Variants in RNF169 observed in about 807,000 individuals in gnomAD.
RNF169 encodes the protein E3 ubiquitin-protein ligase RNF169.
RNF169 carries 24 observed loss-of-function variants against 53.9 expected under a neutral mutation model. That is an observed-to-expected ratio of 0.45 (90% CI 0.32 to 0.63). The LOEUF (loss-of-function observed/expected upper bound fraction) is 0.63, where lower values mean the gene tolerates loss of function less well. Ranked by LOEUF, RNF169 falls within the 20% of genes least tolerant of loss-of-function variation. The pLI is 0.04. For missense variants in RNF169, 883 were observed against 906.2 expected (o/e 0.97, Z 0.33); for synonymous variants, 396 against 363.5 (o/e 1.09, Z -1.02).
intron 4 of RNF169, among the ~76,000 whole-genome samples, chr11:74,828,646 G>T (rs1175649694): frequency 1.3e-5 from 2 of 152,084 alleles, no homozygotes; most frequent in African/African-American, 2.4e-5. Context: ...TACAAGAACA[G>T]ACAGACCAAT....
At position 74,836,019 on chromosome 11, in the gene RNF169, C is replaced by A; in HGVS notation, c.1416C>A (p.Ser472Arg). ...ELLGSEGIHS[S>R]KEKPLVAVNT... ...TAGGCTCTGAAGGTATCCATTCTAG[C>A]AAGGAGAAGCCACTTGTGGCTGTAA... The change falls in exon 6 of 6, where the codon AGC (serine) becomes AGA (arginine). Residue 472 changes from serine to arginine, a missense_variant. By Grantham distance (110) the Ser-to-Arg change is moderately radical. Around this residue, in one of 3 missense-constraint regions of RNF169, gnomAD observed 351 missense variants for 337.3 expected, o/e 1.04. Coordinates refer to ENST00000299563, the MANE Select transcript of RNF169 (RefSeq NM_001098638.2). 1 of 1,614,172 alleles carries A rather than the reference C, an allele frequency of 6.2e-7. No individual in the cohort carries two copies. Among genetic ancestry groups the A allele is most frequent in the Non-Finnish European group, 8.5e-7 (1 of 1,180,036 alleles).
chr11:74,781,426 C>CA (rs2035415027), intron 1 of RNF169, among the ~76,000 whole-genome samples: 2 of 152,176 alleles, frequency 1.3e-5, no homozygotes, highest in Admixed American at 1.3e-4. Flanking sequence ...TAAAACCAGA[C>CA]AGTACAGAAA....
At chr11:74,802,441 T>A (rs2035743590) in intron 2 of RNF169, among the ~76,000 whole-genome samples, 1 of 151,812 alleles carries the variant, frequency 6.6e-6, no homozygotes, top group Non-Finnish European at 1.5e-5. Context: ...AGGTCAGGAG[T>A]TTGAGACCAG....
Position 74,749,174 on chromosome 11 carries a change from G to A in RNF169, c.294G>A (p.Ala98=), listed in dbSNP as rs1157770271. 4 of 1,226,910 alleles carry A rather than the reference G, an allele frequency of 3.3e-6. No individual in the cohort carries two copies. Among genetic ancestry groups the A allele is most frequent in the African/African-American group, 3.2e-5 (2 of 63,026 alleles). The allele number at this position is 1,226,910 out of a possible 1,614,324, so 76.0% of individuals were successfully genotyped here. The change falls in exon 1 of 6, where the codon GCG becomes GCA. Residue 98 remains alanine, a synonymous_variant. Transcript: ENST00000299563. The stretch of plus-strand genomic sequence containing the variant: ...GCTGCGCCCAACGCGCCGCCGACGC[G>A]GCGGGCCCGGGTTGCCCTCGCTGCC... The part of the protein sequence containing the change: ...CRGCAQRAAD[A]AGPGCPRCRA...
intron 2 of RNF169, among the ~76,000 whole-genome samples, chr11:74,803,204 G>A (rs369990224): frequency 6.6e-6 from 1 of 151,896 alleles, no homozygotes; most frequent in African/African-American, 2.4e-5. Flanking sequence ...TCCTGCCTCA[G>A]CCTCCCTAGT....
intron 4 of RNF169, among the ~76,000 whole-genome samples, chr11:74,829,117 G>T (rs2036139425): frequency 6.6e-6 from 1 of 152,162 alleles, no homozygotes; most frequent in Non-Finnish European, 1.5e-5. Context: ...CTAACATTCA[G>T]CATCTACAAG....
intron 1 of RNF169, among the ~76,000 whole-genome samples, chr11:74,763,079 G>T (rs59912848): frequency 0.056 from 8,484 of 152,188 alleles, 785 homozygotes; most frequent in African/African-American, 0.19. Flanking sequence ...GTCTTGATTT[G>T]CTTGAGCTCT....
chr11:74,805,946 C>T (rs760990949), intron 2 of RNF169, among the ~76,000 whole-genome samples: 2 of 151,994 alleles, frequency 1.3e-5, no homozygotes, highest in African/African-American at 2.4e-5. Context: ...GAACCAATCC[C>T]CTACATATAC....
intron 1 of RNF169, among the ~76,000 whole-genome samples, chr11:74,787,837 A>G (rs913500062): frequency 1.3e-5 from 2 of 152,320 alleles, no homozygotes; most frequent in African/African-American, 4.8e-5. Context: ...AAAATGATAT[A>G]TATGCAAGAT....
At chr11:74,816,492 G>A (rs925334138) in intron 3 of RNF169, among the ~76,000 whole-genome samples, 10 of 152,106 alleles carry the variant, frequency 6.6e-5, no homozygotes, top group African/African-American at 2.4e-4. Flanking sequence ...TGTTTCTAAT[G>A]TAATTGGAAA....
rs2036369694 is a variant in RNF169 at position 74,840,585 on chromosome 11, A to T, written c.*3855A>T. ...CCACACCTCAATTCAGTAACCACCT[A>T]ATCTCTCCCCCAACCTGATCTCTCA... On this transcript the variant is annotated 3_prime_UTR_variant, in exon 6 of 6. Transcript: ENST00000299563. 1.3e-5 allele frequency: 2 copies of T among 152,104 alleles called. No homozygotes were observed. The highest frequency in any genetic ancestry group is 2.9e-5 in the Non-Finnish European group (2 of 68,012). The allele number at this position is 152,104 out of a possible 1,614,324, so 9.4% of individuals were successfully genotyped here.
At chr11:74,787,999 T>A (rs2035527983) in intron 1 of RNF169, among the ~76,000 whole-genome samples, 1 of 152,152 alleles carries the variant, frequency 6.6e-6, no homozygotes, top group South Asian at 2.1e-4. Context: ...TATTTCAAGG[T>A]ACCATGTAAA....
chr11:74,783,237 G>GT (rs1338307638), intron 1 of RNF169, among the ~76,000 whole-genome samples: 2 of 148,712 alleles, frequency 1.3e-5, no homozygotes, highest in African/African-American at 5.0e-5. Context: ...CTTGTAGTTT[G>GT]TTTTGTTTTT....
chr11:74,790,551 G>T (rs2035564709), intron 2 of RNF169, among the ~76,000 whole-genome samples: 1 of 152,176 alleles, frequency 6.6e-6, no homozygotes, highest in African/African-American at 2.4e-5. Flanking sequence ...GGCTCATTCT[G>T]CCCACTTATC....
chr11:74,802,957 G>A (rs1183544697), intron 2 of RNF169, among the ~76,000 whole-genome samples: 2 of 151,980 alleles, frequency 1.3e-5, no homozygotes, highest in Non-Finnish European at 2.9e-5. Flanking sequence ...GTCTTGCTCT[G>A]TCGCCCAGGC....
chr11:74,803,231 G>A (rs1032658223), intron 2 of RNF169, among the ~76,000 whole-genome samples: 8 of 151,936 alleles, frequency 5.3e-5, no homozygotes, highest in Admixed American at 1.3e-4. Flanking sequence ...AACTACAGGC[G>A]CCCACCACCA....
intron 1 of RNF169, among the ~76,000 whole-genome samples, chr11:74,761,616 C>G (rs548821483): frequency 6.6e-6 from 1 of 152,288 alleles, no homozygotes; most frequent in African/African-American, 2.4e-5. Flanking sequence ...AAATTCTTTC[C>G]TTTAAGAATG....
In RNF169 at chr11:74,836,226, T is replaced by C. The variant is rs1243815670; in HGVS notation, c.1623T>C (p.Thr541=). The C allele has an allele frequency of 1.2e-6, 2 of 1,614,052 alleles. No homozygotes were observed. Among genetic ancestry groups the C allele is most frequent in the Non-Finnish European group, 1.7e-6 (2 of 1,180,036 alleles). The change falls in exon 6 of 6, where the codon ACT becomes ACC. Residue 541 remains threonine, a synonymous_variant. Coordinates refer to ENST00000299563, the MANE Select transcript of RNF169 (RefSeq NM_001098638.2). ...AACTCAAAGGGGGAGGCAGTGGGACTTCTTTGGAGAGGGAGCAGTTTGAGG... is the reference window on the plus strand; with the variant it reads ...AACTCAAAGGGGGAGGCAGTGGGACCTCTTTGGAGAGGGAGCAGTTTGAGG... ...SSELKGGGSG[T]SLEREQFEGL...
chr11:74,821,294 A>G (rs1264336746), intron 4 of RNF169, among the ~76,000 whole-genome samples: 1 of 152,226 alleles, frequency 6.6e-6, no homozygotes, highest in African/African-American at 2.4e-5. Context: ...GAGAACTCAA[A>G]TCCTTCTGCA....
Sources: allele counts gnomAD v4.1 joint callset (sites outside exome capture counted in the v4.1 genomes callset), GRCh38; gene constraint gnomAD v4.1.1; regional missense constraint gnomAD v4.1.1; transcripts MANE v1.5; gene names NCBI Gene and HGNC (gene_info 2026-07-23, HGNC 2026-07-21).